Variants in IL3RA observed in about 807,000 individuals in gnomAD.
IL3RA encodes interleukin 3 receptor subunit alpha.
Under a neutral mutation model 52.3 loss-of-function variants are expected in IL3RA, and 73 were observed. The ratio of observed to expected loss-of-function variants is 1.40; its 90% CI spans 1.16 to 1.70. The LOEUF (loss-of-function observed/expected upper bound fraction) is 1.70, where lower values mean the gene tolerates loss of function less well. IL3RA is among the 40% of genes most tolerant of loss of function. The pLI, the probability that IL3RA is intolerant of heterozygous loss-of-function variation, is 0.00. For missense variants in IL3RA, 664 were observed against 504.4 expected (o/e 1.32, Z -3.03); for synonymous variants, 260 against 194.0 (o/e 1.34, Z -2.83).
At position 1,361,391 on chromosome X, in the gene IL3RA, G is replaced by A. The variant is rs755256044; in HGVS notation, c.759+2504G>A. Among the ~76,000 whole-genome samples, 15 of 152,194 alleles carry A rather than the reference G, an allele frequency of 9.9e-5. 1 individual carries two copies. The highest frequency in any genetic ancestry group is 3.1e-4 in the African/African-American group (13 of 41,536). On this transcript the variant is annotated intron_variant, in intron 8 of 11. Coordinates refer to ENST00000331035, the MANE Select transcript of IL3RA (RefSeq NM_002183.4). ...CTCACAGTTCCATGTGGCTGGGGAGGCCTCACGATCACGGCAGAAGGTGAA... is the reference window on the plus strand; with the variant it reads ...CTCACAGTTCCATGTGGCTGGGGAGACCTCACGATCACGGCAGAAGGTGAA...
intron 6 of IL3RA, among the ~76,000 whole-genome samples, chrX:1,355,373 G>A (rs1239720456): frequency 7.5e-6 from 1 of 133,394 alleles, no homozygotes; most frequent in African/African-American, 2.8e-5. Context: ...GGAGGAGAGA[G>A]GAGTGGTAGA....
At chrX:1,365,544 C>A (rs776832870) in intron 9 of IL3RA, among the ~76,000 whole-genome samples, 3 of 18,230 alleles carry the variant, frequency 1.6e-4, no homozygotes, top group South Asian at 3.2e-3. Context: ...GAGCGGGGTG[C>A]GCGGGGTGAG....
At chrX:1,368,344 G>T (rs1202472434) in intron 9 of IL3RA, among the ~76,000 whole-genome samples, 1 of 152,022 alleles carries the variant, frequency 6.6e-6, no homozygotes, top group Non-Finnish European at 1.5e-5. Flanking sequence ...CAGCACTTTG[G>T]GAGGCTGAGG....
intron 3 of IL3RA, 145 bp downstream of exon 3, chrX:1,345,579 TC>T: frequency 2.1e-6 from 1 of 465,590 alleles, no homozygotes; most frequent in Non-Finnish European, 3.6e-6. Flanking sequence ...AACCTCCACC[TC>T]CCAGGTCCAT....
intron 10 of IL3RA, 133 bp from the exon 11 acceptor site, chrX:1,380,890 A>G: frequency 1.3e-6 from 1 of 756,534 alleles, no homozygotes. Context: ...GGCCGGGAAA[A>G]TAGAGACCCC....
intron 9 of IL3RA, 46 bp from the exon 10 acceptor site, chrX:1,378,613 C>T (rs1472939137): frequency 1.2e-5 from 18 of 1,534,026 alleles, no homozygotes; most frequent in Non-Finnish European, 1.4e-5. Flanking sequence ...CCCTGGTCCC[C>T]CCAGGACGGC....
chrX:1,345,100 G>A (rs769398288), intron 2 of IL3RA, among the ~76,000 whole-genome samples: 30 of 149,910 alleles, frequency 2.0e-4, no homozygotes, highest in South Asian at 4.2e-4. Context: ...ACCAGGAGGC[G>A]GAGCTTGCAG....
chrX:1,341,794 T>C lies in IL3RA; in HGVS notation c.29T>C (p.Leu10Pro), dbSNP rs149520231. 10 of 1,613,852 alleles carry C rather than the reference T, an allele frequency of 6.2e-6. No individual in the cohort carries two copies. The highest frequency in any genetic ancestry group is 8.5e-6 in the Non-Finnish European group (10 of 1,179,870). ...GTCCTCCTTTGGCTCACGCTGCTCC[T>C]GATCGCCCTGCCCTGTCTCCTGCAA... MVLLWLTLL[L>P]IALPCLLQTK... Residue 10 changes from leucine to proline, a missense_variant, in exon 2 of 12, where the codon CTG (leucine) becomes CCG (proline). Physicochemically the swap from Leu to Pro is moderately conservative, Grantham distance 98. Coordinates refer to ENST00000331035, the MANE Select transcript of IL3RA (RefSeq NM_002183.4).
intron 10 of IL3RA, 124 bp downstream of exon 10, chrX:1,378,888 G>T: frequency 1.1e-6 from 1 of 948,568 alleles, no homozygotes; most frequent in Non-Finnish European, 1.6e-6. Flanking sequence ...TGTCTCCCAG[G>T]CTGGAGTGCA....
At chrX:1,345,245 A>AAAAC in intron 2 of IL3RA, 71 bp from the exon 3 acceptor site, 1 of 974,278 alleles carries the variant, frequency 1.0e-6, no homozygotes, top group Non-Finnish European at 1.6e-6. Flanking sequence ...AAAAAAAAAA[A>AAAAC]CCATACCCCT....
At chrX:1,382,257 T>TGGTCCAAAGTGCC in intron 11 of IL3RA, 134 bp from the exon 12 acceptor site, 2 of 176,336 alleles carry the variant, frequency 1.1e-5, no homozygotes, top group African/African-American at 6.0e-5. Flanking sequence ...CCCAAAGTGC[T>TGGTCCAAAGTGCC]GGGATGACAG....
chrX:1,357,698 C>T (rs2086842788), intron 7 of IL3RA, among the ~76,000 whole-genome samples: 1 of 151,760 alleles, frequency 6.6e-6, no homozygotes, highest in Non-Finnish European at 1.5e-5. Context: ...CTAATTATTT[C>T]ATATGCAATT....
At chrX:1,355,655 C>T (rs1482242971) in intron 6 of IL3RA, among the ~76,000 whole-genome samples, 2 of 124,894 alleles carry the variant, frequency 1.6e-5, no homozygotes, top group African/African-American at 5.9e-5. Flanking sequence ...CCCTGGGGGG[C>T]GGAGGTGGGG....
At chrX:1,355,027 G>T in intron 6 of IL3RA, among the ~76,000 whole-genome samples, 1 of 18,688 alleles carries the variant, frequency 5.4e-5, no homozygotes, top group East Asian at 1.5e-3. Flanking sequence ...AGGAGGGGGA[G>T]AGGATGGAGG....
intron 9 of IL3RA, among the ~76,000 whole-genome samples, chrX:1,377,238 TTC>T (rs2088824974): frequency 6.6e-6 from 1 of 152,194 alleles, no homozygotes; most frequent in African/African-American, 2.4e-5. Context: ...TTTTTCTTTT[TTC>T]TTTTTTTTCC....
At chrX:1,353,033 TCCATCATGGGTCATGGGAACCC>T (rs2086210144) in intron 6 of IL3RA, among the ~76,000 whole-genome samples, 1 of 143,322 alleles carries the variant, frequency 7.0e-6, no homozygotes, top group Non-Finnish European at 1.5e-5. Flanking sequence ...TATCATGGAT[TCCATCATGGGTCATGGGAACCC>T]CCATCATGGG....
chrX:1,378,442 C>A (rs1293820381), intron 9 of IL3RA, among the ~76,000 whole-genome samples: 1 of 152,122 alleles, frequency 6.6e-6, no homozygotes, highest in African/African-American at 2.4e-5. Context: ...GCTGGGAGGT[C>A]CGGAAGTCGC....
At chrX:1,365,117 T>G in intron 8 of IL3RA, 21 bp from the exon 9 acceptor site, 2 of 1,579,798 alleles carry the variant, frequency 1.3e-6, no homozygotes, top group Non-Finnish European at 1.7e-6. Flanking sequence ...CCCCTCTTCT[T>G]TATTTTCTTT....
At chrX:1,364,727 C>T (rs2087773109) in intron 8 of IL3RA, among the ~76,000 whole-genome samples, 1 of 151,944 alleles carries the variant, frequency 6.6e-6, no homozygotes, top group East Asian at 1.9e-4. Flanking sequence ...ATTCTCCCAC[C>T]TCAGCCTCCA....
Sources: allele counts gnomAD v4.1 joint callset (sites outside exome capture counted in the v4.1 genomes callset), GRCh38; gene constraint gnomAD v4.1.1; transcripts MANE v1.5; gene names NCBI Gene and HGNC (gene_info 2026-07-23, HGNC 2026-07-21).